PAM: variants seen among roughly 807,000 people sequenced by gnomAD.
PAM encodes the protein peptidyl-glycine alpha-amidating monooxygenase.
PAM carries 72 observed loss-of-function variants against 122.1 expected under a neutral mutation model. That is an observed-to-expected ratio of 0.59 (90% CI 0.49 to 0.72). The LOEUF (loss-of-function observed/expected upper bound fraction) is 0.72. PAM is among the 30% of genes least tolerant of loss of function. PAM has a pLI of 0.00. For missense variants in PAM, 1,106 were observed against 1,183.7 expected, an observed-to-expected ratio of 0.93 and a Z score of 0.96; for synonymous variants, 389 against 404.4, an observed-to-expected ratio of 0.96 and a Z score of 0.46.
intron 16 of PAM, among the ~76,000 whole-genome samples, chr5:102,996,664 G>T (rs1467005781): frequency 6.6e-6 from 1 of 152,162 alleles, no homozygotes; most frequent in Non-Finnish European, 1.5e-5. Flanking sequence ...ATTAGGACTG[G>T]TCAACCAATC....
At chr5:103,010,814 A>G (rs1780373096) in intron 21 of PAM, among the ~76,000 whole-genome samples, 1 of 152,134 alleles carries the variant, frequency 6.6e-6, no homozygotes, top group African/African-American at 2.4e-5. Flanking sequence ...ACATGTTTAT[A>G]TTTATGGGGT....
intron 1 of PAM, among the ~76,000 whole-genome samples, chr5:102,755,696 G>T (rs1370218475): frequency 6.6e-6 from 1 of 151,824 alleles, no homozygotes; most frequent in African/African-American, 2.4e-5. Context: ...TCTCCCTAGG[G>T]GGTACAATTT....
intron 4 of PAM, among the ~76,000 whole-genome samples, chr5:102,913,174 C>T (rs933311599): frequency 9.2e-5 from 14 of 151,802 alleles, no homozygotes; most frequent in Middle Eastern, 3.2e-3. Flanking sequence ...TTGATGAGAA[C>T]GCAAAAGGAT....
chr5:102,771,335 T>A (rs1299977411), intron 1 of PAM, among the ~76,000 whole-genome samples: 11 of 152,178 alleles, frequency 7.2e-5, no homozygotes, highest in Non-Finnish European at 1.3e-4. Context: ...AGTAATCATT[T>A]TGGTTGTCTT....
intron 8 of PAM, 90 bp from the exon 9 acceptor site, chr5:102,948,287 TA>T: frequency 1.5e-6 from 1 of 646,994 alleles, no homozygotes; most frequent in Non-Finnish European, 2.7e-6. Context: ...TCACATTTTA[TA>T]AACCAAAGTA....
chr5:103,028,551 A>G (rs1394016936), intron 25 of PAM, among the ~76,000 whole-genome samples: 2 of 152,190 alleles, frequency 1.3e-5, no homozygotes, highest in Non-Finnish European at 2.9e-5. Flanking sequence ...TGTTTGTCAT[A>G]GTAAAGATGA....
At chr5:102,782,830 T>C (rs1330014615) in intron 1 of PAM, among the ~76,000 whole-genome samples, 3 of 151,970 alleles carry the variant, frequency 2.0e-5, no homozygotes, top group Non-Finnish European at 4.4e-5. Context: ...GTTTTTTTTT[T>C]TGAGAAATTT....
At chr5:102,843,901 T>C (rs538514570) in intron 1 of PAM, among the ~76,000 whole-genome samples, 1 of 152,192 alleles carries the variant, frequency 6.6e-6, no homozygotes, top group Non-Finnish European at 1.5e-5. Context: ...CATACATTGC[T>C]AGTGGGAATC....
intron 14 of PAM, among the ~76,000 whole-genome samples, chr5:102,969,422 C>G (rs1320574418): frequency 6.6e-6 from 1 of 152,102 alleles, no homozygotes; most frequent in Non-Finnish European, 1.5e-5. Context: ...GAGGTAGAGC[C>G]ACTTTTAATA....
intron 5 of PAM, among the ~76,000 whole-genome samples, chr5:102,921,781 T>G (rs893826959): frequency 7.2e-5 from 11 of 152,282 alleles, no homozygotes; most frequent in African/African-American, 2.6e-4. Flanking sequence ...TAATCAAAGC[T>G]TATCTCCACA....
At position 103,007,503 on chromosome 5, in the gene PAM, C is replaced by A. The variant is rs1348952465; in HGVS notation, c.2061C>A (p.His687Gln). The change falls in exon 20 of 26, where the codon CAC becomes CAA. Residue 687 changes from histidine (H) to glutamine (Q), a missense_variant. By Grantham distance (24) the His-to-Gln change is conservative. Transcript: ENST00000438793. ...SPLPGQFTVPHSLALVPLLGQ... is the reference protein window; with the variant it reads ...SPLPGQFTVPQSLALVPLLGQ... Reference sequence around the variant, plus strand: ...TGCCAGGCCAGTTCACTGTTCCTCACAGCTTGGCTCTTGTGCCTCTTTTGG... The same window carrying A: ...TGCCAGGCCAGTTCACTGTTCCTCAAAGCTTGGCTCTTGTGCCTCTTTTGG... 6.2e-7 allele frequency: 1 copy of A among 1,614,080 alleles called. No homozygotes were observed. The highest frequency in any genetic ancestry group is 8.5e-7 in the Non-Finnish European group (1 of 1,179,994).
intron 1 of PAM, among the ~76,000 whole-genome samples, chr5:102,782,839 T>A (rs1759424884): frequency 6.6e-6 from 1 of 151,838 alleles, no homozygotes; most frequent in African/African-American, 2.4e-5. Context: ...TTTGAGAAAT[T>A]TTGCTTTTGT....
intron 16 of PAM, among the ~76,000 whole-genome samples, chr5:102,999,204 G>A (rs942903790): frequency 6.6e-6 from 1 of 152,194 alleles, no homozygotes; most frequent in African/African-American, 2.4e-5. Flanking sequence ...AAATGAAGAG[G>A]CTACAGGCCC....
At chr5:102,873,525 A>G (rs1403809468) in intron 3 of PAM, 1 of 152,368 alleles carries the variant, frequency 6.6e-6, no homozygotes, top group Non-Finnish European at 1.5e-5. Context: ...GGTCCAGCCT[A>G]CCTTCCCTAG....
chr5:102,960,320 C>A (rs1762089841), intron 13 of PAM, among the ~76,000 whole-genome samples: 1 of 151,950 alleles, frequency 6.6e-6, no homozygotes, highest in South Asian at 2.1e-4. Context: ...TAAATGTAGA[C>A]CTTTTTTCAC....
intron 1 of PAM, among the ~76,000 whole-genome samples, chr5:102,827,665 ATTTTTTTTTTT>A (rs947792228): frequency 2.8e-5 from 1 of 35,586 alleles, no homozygotes; most frequent in Non-Finnish European, 4.4e-5. Context: ...GCTCACTATG[ATTTTTTTTTTT>A]TTTTTTTTTT....
intron 24 of PAM, among the ~76,000 whole-genome samples, chr5:103,026,163 C>T (rs1015106758): frequency 5.3e-5 from 8 of 152,118 alleles, no homozygotes; most frequent in Non-Finnish European, 1.0e-4. Context: ...TATTTTAGGA[C>T]ATCTAAATAA....
chr5:102,779,157 G>T (rs1299481693), intron 1 of PAM, among the ~76,000 whole-genome samples: 1 of 151,420 alleles, frequency 6.6e-6, no homozygotes. Context: ...TTATTACCAA[G>T]AAATGAAATT....
At chr5:102,894,817 C>T (rs1000806967) in intron 3 of PAM, among the ~76,000 whole-genome samples, 1 of 151,728 alleles carries the variant, frequency 6.6e-6, no homozygotes, top group Non-Finnish European at 1.5e-5. Context: ...TGCCTCCTTA[C>T]CTTCCTTTCA....
Sources: allele counts gnomAD v4.1 joint callset (sites outside exome capture counted in the v4.1 genomes callset), GRCh38; gene constraint gnomAD v4.1.1; transcripts MANE v1.5; gene names NCBI Gene and HGNC (gene_info 2026-07-23, HGNC 2026-07-21).